Variants in CDC42EP4 observed in about 807,000 individuals in gnomAD.
CDC42EP4 encodes CDC42 effector protein 4.
A neutral mutation model predicts 5.6 loss-of-function variants in CDC42EP4; 6 were observed. The observed-to-expected ratio is 1.07, with a 90% CI of 0.59 to 2.12. The LOEUF is 2.12. Ranked by LOEUF, CDC42EP4 falls within the 30% of genes most tolerant of loss-of-function variation. The probability of loss-of-function intolerance (pLI) is 0.00; values close to 1 mark genes in which losing one functional copy is unlikely to be tolerated. For missense variants in CDC42EP4, 490 were observed against 508.6 expected (o/e 0.96, Z 0.35); for synonymous variants, 230 against 224.2 (o/e 1.03, Z -0.23).
chr17:73,300,645 T>G (rs1357413701), intron 1 of CDC42EP4, among the ~76,000 whole-genome samples: 1 of 152,172 alleles, frequency 6.6e-6, no homozygotes, highest in African/African-American at 2.4e-5. Context: ...TGTACACGAT[T>G]GGGTGATGGT....
At chr17:73,297,494 T>A (rs966902789) in intron 1 of CDC42EP4, among the ~76,000 whole-genome samples, 29 of 151,968 alleles carry the variant, frequency 1.9e-4, no homozygotes, top group South Asian at 1.0e-3. Flanking sequence ...AATAAAAATT[T>A]AAAATAAATA....
chr17:73,298,897 T>C (rs1299913322), intron 1 of CDC42EP4, among the ~76,000 whole-genome samples: 1 of 151,864 alleles, frequency 6.6e-6, no homozygotes, highest in Admixed American at 6.6e-5. Context: ...TTGCCCCTAT[T>C]TTAAAGAACG....
intron 1 of CDC42EP4, among the ~76,000 whole-genome samples, chr17:73,300,368 A>G (rs1235266909): frequency 1.3e-5 from 2 of 151,924 alleles, no homozygotes; most frequent in Admixed American, 1.3e-4. Context: ...GGGAGGGAGG[A>G]GTCTACTGGG....
chr17:73,285,181 C>T lies in CDC42EP4; in HGVS notation c.*249G>A, dbSNP rs1313442135. ...ACCTATTCCTGCTGTGACAACACAG[C>T]CCTTGTCCCACGCAGCCTAAGTGCA... On this transcript the variant is annotated 3_prime_UTR_variant, in exon 2 of 2. Transcript: ENST00000335793. This position sits in a 1 kb window ranked among gnomAD's most constrained non-coding sequence, Gnocchi z 6.8. 5.4e-6 allele frequency: 2 copies of T among 370,644 alleles called. No homozygotes were observed. Among genetic ancestry groups the T allele is most frequent in the Non-Finnish European group, 9.8e-6 (2 of 204,990 alleles). 23.0% of individuals were successfully genotyped at this position (370,644 alleles called of 1,614,324 possible). A position where few individuals can be genotyped will look rare whatever the true frequency, so the allele number is the denominator to read the frequency against.
intron 1 of CDC42EP4, among the ~76,000 whole-genome samples, chr17:73,287,813 A>T (rs1221415219): frequency 6.6e-6 from 1 of 151,984 alleles, no homozygotes; most frequent in Non-Finnish European, 1.5e-5. Flanking sequence ...CTTCCTCCGC[A>T]TGCCTGCCGC....
chr17:73,298,994 C>T (rs1454065000), intron 1 of CDC42EP4, among the ~76,000 whole-genome samples: 3 of 151,552 alleles, frequency 2.0e-5, no homozygotes, highest in African/African-American at 7.3e-5. Flanking sequence ...GCATTGCTGT[C>T]ACCCAGGCTG....
In CDC42EP4 at chr17:73,285,910, C is replaced by T. The variant is rs148163525; in HGVS notation, c.591G>A (p.Thr197=). The change falls in exon 2 of 2, where the codon ACG becomes ACA. Residue 197 remains threonine (T), a synonymous_variant. Transcript: ENST00000335793. This position sits in a 1 kb window ranked among gnomAD's most constrained non-coding sequence, Gnocchi z 6.8. ...LTDLPVVPKA[T]YGLKHAESIM... ...TGGACTCCGCATGCTTCAGCCCGTA[C>T]GTGGCCTTGGGCACGACAGGCAGAT... 1.1e-4 allele frequency: 177 copies of T among 1,614,012 alleles called. 1 individual carries two copies. In the African/African-American group the frequency reaches 1.4e-3, roughly 13 times the overall value.
chr17:73,294,715 G>A (rs1285557140), intron 1 of CDC42EP4, among the ~76,000 whole-genome samples: 3 of 152,048 alleles, frequency 2.0e-5, no homozygotes, highest in East Asian at 1.9e-4. Context: ...GTCATTCCAC[G>A]CATTAGTAAG....
chr17:73,306,456 C>T (rs1383355210), intron 1 of CDC42EP4, among the ~76,000 whole-genome samples: 1 of 152,138 alleles, frequency 6.6e-6, no homozygotes, highest in Non-Finnish European at 1.5e-5. Context: ...GCTGTGATTG[C>T]ACCACTGCAC....
At chr17:73,290,080 C>T (rs1429239326) in intron 1 of CDC42EP4, among the ~76,000 whole-genome samples, 1 of 152,206 alleles carries the variant, frequency 6.6e-6, no homozygotes, top group Admixed American at 6.5e-5. Context: ...CATCTTCCAC[C>T]TGCCTGCACC....
At chr17:73,311,452 G>A (rs1333873389) in intron 1 of CDC42EP4, 1 of 152,510 alleles carries the variant, frequency 6.6e-6, no homozygotes, top group East Asian at 1.9e-4. Flanking sequence ...CCCTCGCGGA[G>A]ATCGCGGGCC....
At chr17:73,295,293 C>T (rs768587610) in intron 1 of CDC42EP4, among the ~76,000 whole-genome samples, 18 of 152,116 alleles carry the variant, frequency 1.2e-4, no homozygotes, top group Non-Finnish European at 1.8e-4. Flanking sequence ...ACAAGGGAGC[C>T]GGGCGGTGCT....
chr17:73,304,271 C>CTTT, intron 1 of CDC42EP4, among the ~76,000 whole-genome samples: 1 of 140,998 alleles, frequency 7.1e-6, no homozygotes, highest in African/African-American at 2.8e-5. Context: ...CTCTTTTCTT[C>CTTT]TTCTTCTTTT....
intron 1 of CDC42EP4, among the ~76,000 whole-genome samples, chr17:73,308,719 A>G (rs1171797672): frequency 6.6e-6 from 1 of 152,002 alleles, no homozygotes; most frequent in East Asian, 1.9e-4. Flanking sequence ...GCCCTTCTGG[A>G]AAAGCTCTGG....
chr17:73,303,662 C>CAAAAAAAAAAAA (rs542149787), intron 1 of CDC42EP4, among the ~76,000 whole-genome samples: 1 of 83,932 alleles, frequency 1.2e-5, no homozygotes. Flanking sequence ...ACTCTGTCTC[C>CAAAAAAAAAAAA]AAAAAAAAAA....
At position 73,309,307 on chromosome 17, in the gene CDC42EP4, C is replaced by T. The variant is rs74349843; in HGVS notation, c.-113+2586G>A. 5.1e-3 allele frequency among the ~76,000 whole-genome samples: 770 copies of T among 152,198 alleles called. 7 individuals carry two copies. Among genetic ancestry groups the T allele is most frequent in the Middle Eastern group, 0.01 (3 of 294 alleles). On this transcript the variant is annotated intron_variant, in intron 1 of 1. Coordinates refer to ENST00000335793, the MANE Select transcript of CDC42EP4 (RefSeq NM_012121.5). ...AGCCTGCAGTGAGCCTTGACTATGA[C>T]GCTGCACCACAACCTGGGTGACAGA...
intron 1 of CDC42EP4, chr17:73,311,372 A>T (rs1159190297): frequency 6.6e-6 from 1 of 152,206 alleles, no homozygotes; most frequent in South Asian, 2.1e-4. Flanking sequence ...CGAGATGTGT[A>T]CACGCCTCTG....
intron 1 of CDC42EP4, among the ~76,000 whole-genome samples, chr17:73,303,889 A>G (rs984328947): frequency 1.1e-4 from 16 of 152,230 alleles, no homozygotes; most frequent in African/African-American, 3.4e-4. Flanking sequence ...AATGATGCCA[A>G]TAACTCACTC....
chr17:73,293,846 A>G (rs1448502858), intron 1 of CDC42EP4, among the ~76,000 whole-genome samples: 2 of 152,232 alleles, frequency 1.3e-5, no homozygotes, highest in Non-Finnish European at 2.9e-5. Context: ...GGGCGAGAAC[A>G]GTGACCGCTT....
Sources: allele counts gnomAD v4.1 joint callset (sites outside exome capture counted in the v4.1 genomes callset), GRCh38; gene constraint gnomAD v4.1.1; non-coding constraint Gnocchi (gnomAD v3.1); transcripts MANE v1.5; gene names NCBI Gene and HGNC (gene_info 2026-07-23, HGNC 2026-07-21).